Variants in ZNF385D observed in about 807,000 individuals in gnomAD.
ZNF385D encodes the protein zinc finger protein 659.
Under a neutral mutation model 35.8 loss-of-function variants are expected in ZNF385D, and 15 were observed. That is an observed-to-expected ratio of 0.42 (90% confidence interval 0.28 to 0.64). The LOEUF is 0.64. ZNF385D is among the 30% of genes least tolerant of loss of function. The pLI is 0.23. For synonymous variants in ZNF385D, 212 were observed against 186.8 expected (o/e 1.13, Z -1.10); for missense variants, 474 against 494.6 (o/e 0.96, Z 0.39).
intron 2 of ZNF385D, among the ~76,000 whole-genome samples, chr3:22,337,575 T>C (rs747990269): frequency 2.6e-5 from 4 of 152,136 alleles, no homozygotes; most frequent in Non-Finnish European, 5.9e-5. Flanking sequence ...ACTCATTTGG[T>C]ACACTTGGTA....
chr3:21,870,734 T>A (rs530385894), intron 3 of ZNF385D, among the ~76,000 whole-genome samples: 3 of 152,248 alleles, frequency 2.0e-5, no homozygotes, highest in South Asian at 4.1e-4. Flanking sequence ...TGCGTGTATA[T>A]GTATGTACAC....
At position 21,899,627 on chromosome 3, in the gene ZNF385D, G is replaced by C. The variant is rs1018410383; in HGVS notation, c.326-234599C>G. Among the ~76,000 whole-genome samples, 32 of 152,086 alleles carry C rather than the reference G, an allele frequency of 2.1e-4. 1 individual carries two copies. The highest frequency in any genetic ancestry group is 2.0e-3 in the Admixed American group (30 of 15,248). ...TAAACATTTATCAGTTGTGACATTA[G>C]ACACCTAACTGAACCTTTTGTGGCT... On this transcript the variant is annotated intron_variant, in intron 3 of 5. Coordinates refer to the ZNF385D transcript ENST00000494108.
chr3:22,322,256 T>C (rs1694475288), intron 2 of ZNF385D, among the ~76,000 whole-genome samples: 1 of 152,206 alleles, frequency 6.6e-6, no homozygotes, highest in South Asian at 2.1e-4. Context: ...TTATAGTCTT[T>C]CCACAAAAAT....
At chr3:21,979,865 G>GT (rs1026578922) in intron 3 of ZNF385D, 8 of 152,194 alleles carry the variant, frequency 5.3e-5, no homozygotes, top group Non-Finnish European at 8.8e-5. Context: ...TGCATAGAGA[G>GT]TAACTATTGC....
At position 22,043,629 on chromosome 3, in the gene ZNF385D, G is replaced by GAGGAGAGAGGTAGGTAACTCTAGCAC. The variant is rs1698809887; in HGVS notation, c.325+125187_325+125188insGTGCTAGAGTTACCTACCTCTCTCCT. Among the ~76,000 whole-genome samples the GAGGAGAGAGGTAGGTAACTCTAGCAC allele has an allele frequency of 2.0e-5, 3 of 152,250 alleles. No homozygotes were observed. In the South Asian group the frequency reaches 6.2e-4, roughly 32 times the overall value. On this transcript the variant is annotated intron_variant, in intron 3 of 5. Transcript: ENST00000494108. ...ATAGTCCCTGCCTTCTCTTCTAGCA[G>GAGGAGAGAGGTAGGTAACTCTAGCAC]AGGAGAGAGGGTAGGTAACTTCCGA... is the stretch of plus-strand genomic sequence containing the variant.
At chr3:22,024,327 G>C (rs1373674350) in intron 3 of ZNF385D, among the ~76,000 whole-genome samples, 2 of 152,028 alleles carry the variant, frequency 1.3e-5, no homozygotes, top group East Asian at 3.9e-4. Flanking sequence ...GTGCGTGTGT[G>C]TGTATGATAG....
intron 3 of ZNF385D, among the ~76,000 whole-genome samples, chr3:21,564,219 C>A (rs1010568554): frequency 4.6e-5 from 7 of 152,120 alleles, no homozygotes; most frequent in Non-Finnish European, 1.0e-4. Context: ...TGGTACCTAT[C>A]TTATTTCAGA....
At chr3:22,024,232 C>A (rs528457520) in intron 3 of ZNF385D, among the ~76,000 whole-genome samples, 64 of 152,240 alleles carry the variant, frequency 4.2e-4, no homozygotes, top group African/African-American at 1.5e-3. Flanking sequence ...TGGACTGGCT[C>A]TCCTTGCTCC....
At chr3:21,883,402 A>T (rs1310722821) in intron 3 of ZNF385D, among the ~76,000 whole-genome samples, 1 of 152,034 alleles carries the variant, frequency 6.6e-6, no homozygotes, top group Non-Finnish European at 1.5e-5. Flanking sequence ...CACCAAATTG[A>T]CTAAATCAGT....
At position 22,331,266 on chromosome 3, in the gene ZNF385D, C is replaced by T. The variant is rs566057774; in HGVS notation, c.106+41184G>A. ...AAAAGGCTTTGCATAGATTACACAG[C>T]ACAAGTGTCAGTGCTAGAACTATAC... is the stretch of plus-strand genomic sequence containing the variant. On this transcript the variant is annotated intron_variant, in intron 2 of 5. Coordinates refer to the ZNF385D transcript ENST00000494108. Among the ~76,000 whole-genome samples the T allele has an allele frequency of 6.8e-4, 104 of 152,142 alleles. 1 individual carries two copies. The highest frequency in any genetic ancestry group is 2.3e-3 in the African/African-American group (96 of 41,524).
intron 3 of ZNF385D, among the ~76,000 whole-genome samples, chr3:22,138,139 A>G (rs961068463): frequency 6.6e-5 from 10 of 152,146 alleles, no homozygotes; most frequent in Non-Finnish European, 1.3e-4. Context: ...GAGGAGAACT[A>G]CAAACCACTG....
chr3:22,048,254 C>T (rs1699127454), intron 3 of ZNF385D, among the ~76,000 whole-genome samples: 1 of 151,764 alleles, frequency 6.6e-6, no homozygotes. Flanking sequence ...GCTGTAATCC[C>T]ATTTGCTTTT....
chr3:22,265,215 G>A (rs1186583844), intron 2 of ZNF385D, among the ~76,000 whole-genome samples: 1 of 151,910 alleles, frequency 6.6e-6, no homozygotes, highest in African/African-American at 2.4e-5. Context: ...CAACCTGATA[G>A]AGAATTACAG....
chr3:21,497,387 A>G (rs1705984805), intron 4 of ZNF385D, among the ~76,000 whole-genome samples: 1 of 152,170 alleles, frequency 6.6e-6, no homozygotes, highest in Non-Finnish European at 1.5e-5. Context: ...TGTGCAAATA[A>G]AATATAGGTG....
chr3:21,449,002 TAAC>T (rs993138854), intron 4 of ZNF385D, among the ~76,000 whole-genome samples: 40 of 152,246 alleles, frequency 2.6e-4, no homozygotes, highest in African/African-American at 9.1e-4. Flanking sequence ...GAATATGAAA[TAAC>T]AATTTTTATT....
At chr3:21,718,938 T>G (rs1197770157) in intron 1 of ZNF385D, among the ~76,000 whole-genome samples, 1 of 152,218 alleles carries the variant, frequency 6.6e-6, no homozygotes, top group South Asian at 2.1e-4. Flanking sequence ...GTTAAAATTC[T>G]AACCCAAAAA....
intron 1 of ZNF385D, among the ~76,000 whole-genome samples, chr3:21,712,685 A>T (rs1340980579): frequency 5.9e-5 from 9 of 152,214 alleles, no homozygotes; most frequent in African/African-American, 1.9e-4. Flanking sequence ...AGAATATCCC[A>T]GTTTGCAAAT....
chr3:22,284,496 C>G (rs903001896), intron 2 of ZNF385D, among the ~76,000 whole-genome samples: 2 of 151,904 alleles, frequency 1.3e-5, no homozygotes, highest in Non-Finnish European at 2.9e-5. Context: ...GTCCCCAACA[C>G]AGGATTTTTT....
At chr3:21,782,989 C>G (rs757784364) in intron 3 of ZNF385D, among the ~76,000 whole-genome samples, 1 of 152,084 alleles carries the variant, frequency 6.6e-6, no homozygotes, top group Non-Finnish European at 1.5e-5. Context: ...CTAAAATAGT[C>G]ACACCTCGAT....
Sources: allele counts gnomAD v4.1 joint callset (sites outside exome capture counted in the v4.1 genomes callset), GRCh38; gene constraint gnomAD v4.1.1; transcripts MANE v1.5; gene names NCBI Gene and HGNC (gene_info 2026-07-23, HGNC 2026-07-21).